The following COLEC12 variants were observed in gnomAD, a reference collection of about 807,000 sequenced individuals.
COLEC12 encodes the protein collectin subfamily member 12.
In COLEC12, 33 loss-of-function variants were observed where a neutral mutation model predicts 71.1. The observed-to-expected ratio is 0.46, with a 90% confidence interval of 0.35 to 0.62. The LOEUF is 0.62. Among genes scored for constraint, COLEC12 ranks in the 20% least tolerant of loss-of-function variants. COLEC12 has a pLI of 0.00. For missense variants in COLEC12, 765 were observed against 916.1 expected, an observed-to-expected ratio of 0.84 and a Z score of 2.13; for synonymous variants, 350 against 353.0, an observed-to-expected ratio of 0.99 and a Z score of 0.10.
At chr18:333,269 G>A in intron 6 of COLEC12, 126 bp from the exon 7 acceptor site, 1 of 742,438 alleles carries the variant, frequency 1.3e-6, no homozygotes. Context: ...CCTGCACGAG[G>A]CCCACAGCTG....
At chr18:472,662 G>C (rs2846664) in intron 2 of COLEC12, among the ~76,000 whole-genome samples, 64,173 of 134,324 alleles carry the variant, frequency 0.48, 15,569 homozygotes, top group South Asian at 0.67. Flanking sequence ...CTGGGTGACA[G>C]AGTGAGGCCC....
chr18:424,966 G>A (rs933631941), intron 2 of COLEC12, among the ~76,000 whole-genome samples: 2 of 152,146 alleles, frequency 1.3e-5, no homozygotes, highest in Non-Finnish European at 2.9e-5. Flanking sequence ...GAGCCGGGCG[G>A]CCTTCCCTTA....
intron 2 of COLEC12, among the ~76,000 whole-genome samples, chr18:438,487 A>G (rs1042877372): frequency 1.3e-5 from 2 of 152,182 alleles, no homozygotes; most frequent in Admixed American, 1.3e-4. Flanking sequence ...ATAAAAAAAG[A>G]CAACATATTA....
intron 2 of COLEC12, among the ~76,000 whole-genome samples, chr18:415,644 C>T (rs1008820674): frequency 7.2e-5 from 11 of 152,146 alleles, no homozygotes; most frequent in African/African-American, 2.2e-4. Context: ...GTCATCTACA[C>T]ACATTGGGCT....
At chr18:376,087 C>T (rs576658743) in intron 2 of COLEC12, among the ~76,000 whole-genome samples, 71 of 152,250 alleles carry the variant, frequency 4.7e-4, no homozygotes, top group East Asian at 9.7e-4. Flanking sequence ...CCATTCCGTG[C>T]ACTAATTTCC....
chr18:498,653 C>G (rs1002190629), intron 1 of COLEC12, among the ~76,000 whole-genome samples: 3 of 152,070 alleles, frequency 2.0e-5, no homozygotes, highest in African/African-American at 4.8e-5. Context: ...TGAGCCACCG[C>G]GCCCCGCTGG....
At chr18:482,555 G>T (rs1428086783) in intron 1 of COLEC12, among the ~76,000 whole-genome samples, 1 of 152,146 alleles carries the variant, frequency 6.6e-6, no homozygotes, top group Non-Finnish European at 1.5e-5. Context: ...CACTCACCAT[G>T]ACAGAGACTG....
chr18:445,951 A>G (rs529062765), intron 2 of COLEC12, among the ~76,000 whole-genome samples: 69 of 152,188 alleles, frequency 4.5e-4, no homozygotes, highest in African/African-American at 1.5e-3. Context: ...TTTTGTCCCT[A>G]CAGATTTGCC....
At chr18:488,662 C>T (rs1354160940) in intron 1 of COLEC12, among the ~76,000 whole-genome samples, 1 of 151,992 alleles carries the variant, frequency 6.6e-6, no homozygotes, top group Non-Finnish European at 1.5e-5. Context: ...CACCTGAGGT[C>T]AGGAGTTCAA....
intron 3 of COLEC12, among the ~76,000 whole-genome samples, chr18:354,341 T>G (rs1276066137): frequency 6.6e-6 from 1 of 152,246 alleles, no homozygotes; most frequent in Non-Finnish European, 1.5e-5. Flanking sequence ...CAAATTCTCT[T>G]GATGGAAGCT....
chr18:352,980 C>T (rs1209362582), intron 3 of COLEC12, among the ~76,000 whole-genome samples: 3 of 152,210 alleles, frequency 2.0e-5, no homozygotes, highest in Non-Finnish European at 4.4e-5. Context: ...AATTTTTCTA[C>T]AGAATATTGG....
intron 2 of COLEC12, among the ~76,000 whole-genome samples, chr18:367,340 C>T (rs968268943): frequency 1.3e-5 from 2 of 152,152 alleles, no homozygotes; most frequent in Non-Finnish European, 2.9e-5. Context: ...CCTACATCCA[C>T]TCTCCCTCAC....
intron 2 of COLEC12, among the ~76,000 whole-genome samples, chr18:373,716 C>T (rs533054529): frequency 6.6e-6 from 1 of 152,272 alleles, no homozygotes; most frequent in South Asian, 2.1e-4. Context: ...CTGGGAGAAG[C>T]AGCAGCCCCC....
rs1284716875 is a variant in COLEC12 at position 335,237 on chromosome 18, C to T, written c.1328-7G>A. The T allele has an allele frequency of 6.4e-7, 1 of 1,567,056 alleles. No individual in the cohort carries two copies. The highest frequency in any genetic ancestry group is 2.2e-5 in the Admixed American group (1 of 45,742). On this transcript the variant is annotated splice_region_variant and splice_polypyrimidine_tract_variant and intron_variant, in intron 5 of 9. Transcript: ENST00000400256. ...CCCCTGGGGCCCGGTGGACCTAAAG[C>T]ATAAAAGAAAAAGGTGTCAACATGA... is the stretch of plus-strand genomic sequence containing the variant.
intron 2 of COLEC12, among the ~76,000 whole-genome samples, chr18:401,726 A>T (rs995850310): frequency 6.6e-6 from 1 of 152,200 alleles, no homozygotes; most frequent in Non-Finnish European, 1.5e-5. Flanking sequence ...AGGGAGTATA[A>T]TCAAAAATTT....
At chr18:443,037 T>C (rs1418846980) in intron 2 of COLEC12, among the ~76,000 whole-genome samples, 1 of 152,210 alleles carries the variant, frequency 6.6e-6, no homozygotes, top group Non-Finnish European at 1.5e-5. Flanking sequence ...CTAGCAGGAG[T>C]CATCTCTTTT....
intron 2 of COLEC12, among the ~76,000 whole-genome samples, chr18:398,609 T>C (rs1214526424): frequency 6.6e-6 from 1 of 152,178 alleles, no homozygotes; most frequent in African/African-American, 2.4e-5. Context: ...TGACTGTCAG[T>C]GGGCCAGTCA....
At chr18:338,218 CT>C (rs1370259149) in intron 5 of COLEC12, among the ~76,000 whole-genome samples, 1 of 152,224 alleles carries the variant, frequency 6.6e-6, no homozygotes, top group Non-Finnish European at 1.5e-5. Context: ...TGGAAGTTTT[CT>C]CTTCTTCTCT....
At chr18:351,094 T>C (rs1282961252) in intron 3 of COLEC12, among the ~76,000 whole-genome samples, 1 of 152,138 alleles carries the variant, frequency 6.6e-6, no homozygotes, top group East Asian at 1.9e-4. Context: ...CTGGCTCCTC[T>C]CAGGAAGAAG....
Sources: gnomAD v4.1 joint callset for allele counts (sites outside exome capture counted in the v4.1 genomes callset) on GRCh38, gnomAD v4.1.1 for gene constraint, MANE v1.5 for transcripts, NCBI Gene and HGNC (gene_info 2026-07-23, HGNC 2026-07-21) for gene names.